ERAP1: variants seen among roughly 807,000 people sequenced by gnomAD.
ERAP1 encodes the protein adipocyte-derived leucine aminopeptidase.
Under a neutral mutation model 103.7 loss-of-function variants are expected in ERAP1, and 86 were observed. That is an observed-to-expected ratio of 0.83 (90% CI 0.70 to 0.99). The LOEUF (loss-of-function observed/expected upper bound fraction) is 0.99. ERAP1 is among the 50% of genes least tolerant of loss of function. The pLI, the probability that ERAP1 is intolerant of heterozygous loss-of-function variation, is 0.00. For missense variants in ERAP1, 1,009 were observed against 1,128.4 expected (o/e 0.89, Z 1.52); for synonymous variants, 398 against 402.4 (o/e 0.99, Z 0.13).
At chr5:96,790,252 A>C in intron 10 of ERAP1, 44 bp downstream of exon 10, 1 of 1,577,848 alleles carries the variant, frequency 6.3e-7, no homozygotes. Flanking sequence ...AATATGCAGT[A>C]AAAGAATGTG....
At position 96,783,153 on chromosome 5, in the gene ERAP1, C is replaced by T. The variant is rs201805082; in HGVS notation, c.2183G>A (p.Arg728Gln). 53 of 1,614,064 alleles carry T rather than the reference C, an allele frequency of 3.3e-5. No homozygotes were observed. The highest frequency in any genetic ancestry group is 3.3e-4 in the Middle Eastern group (2 of 6,084). Residue 728 changes from arginine to glutamine, a missense_variant, in exon 15 of 19, where the codon CGG (arginine) becomes CAG (glutamine). By Grantham distance (43) the Arg-to-Gln change is conservative. Coordinates refer to ENST00000443439, the MANE Select transcript of ERAP1 (RefSeq NM_001040458.3). Reference protein sequence around the residue: ...DEGSVSERMLRSQLLLLACVH... With the variant: ...DEGSVSERMLQSQLLLLACVH... ...ACAGGCGAGGAGTAGTAGTTGACTC[C>T]GCAGCATTCGCTCTGAGACTGAGCC...
chr5:96,772,703 A>T (rs1225949622), downstream of ERAP1: 5 of 152,758 alleles, frequency 3.3e-5, no homozygotes, highest in Non-Finnish European at 7.4e-5. Context: ...GGCTTTGGCA[A>T]CAGAAAACAA....
chr5:96,874,818 A>G, the ERAP1 span, among the ~76,000 whole-genome samples: 4 of 152,274 alleles, frequency 2.6e-5, no homozygotes, highest in African/African-American at 9.6e-5. Flanking sequence ...AACACAAACC[A>G]CAGCAGGACA....
the ERAP1 span, among the ~76,000 whole-genome samples, chr5:96,818,897 T>C: frequency 1.0e-5 from 1 of 95,380 alleles, no homozygotes; most frequent in African/African-American, 4.6e-5. Context: ...GAACTGCATT[T>C]ATTTATTTAT....
upstream of ERAP1, chr5:96,808,184 ATCCGTGTGTG>A (rs1189773519): frequency 7.1e-5 from 63 of 882,994 alleles, no homozygotes; most frequent in South Asian, 3.5e-4. Context: ...CTGAACGCGG[ATCCGTGTGTG>A]TGTGTGTGTG....
the ERAP1 span, among the ~76,000 whole-genome samples, chr5:96,871,000 G>C: frequency 6.6e-6 from 1 of 152,188 alleles, no homozygotes; most frequent in Non-Finnish European, 1.5e-5. Flanking sequence ...TTCTGCTCAT[G>C]TGCATATTGA....
At chr5:96,782,793 T>C (rs113416675) in intron 15 of ERAP1, among the ~76,000 whole-genome samples, 3 of 152,312 alleles carry the variant, frequency 2.0e-5, no homozygotes, top group African/African-American at 7.2e-5. Flanking sequence ...AGATTTTGCA[T>C]TGCCTATACA....
chr5:96,785,087 A>C (rs1218941515), intron 13 of ERAP1: 1 of 153,160 alleles, frequency 6.5e-6, no homozygotes, highest in Non-Finnish European at 1.5e-5. Flanking sequence ...AGAAAGAGAT[A>C]ATCCTTCCCA....
the ERAP1 span, among the ~76,000 whole-genome samples, chr5:96,872,627 C>A: frequency 2.6e-5 from 4 of 152,042 alleles, no homozygotes; most frequent in African/African-American, 7.2e-5. Context: ...ATAAAAGTAA[C>A]TGATGCAGGT....
chr5:96,864,863 A>C, the ERAP1 span, among the ~76,000 whole-genome samples: 1 of 152,276 alleles, frequency 6.6e-6, no homozygotes, highest in South Asian at 2.1e-4. Flanking sequence ...CTATAAAAAT[A>C]TTATCAAAGG....
the ERAP1 span, among the ~76,000 whole-genome samples, chr5:96,845,047 G>A: frequency 1.3e-5 from 2 of 152,130 alleles, no homozygotes; most frequent in African/African-American, 4.8e-5. Context: ...CTACAGAATG[G>A]TCTGTATGTT....
chr5:96,812,091 T>C (rs1779188707), upstream of ERAP1, among the ~76,000 whole-genome samples: 6 of 152,258 alleles, frequency 3.9e-5, no homozygotes, highest in South Asian at 1.0e-3. Context: ...ACTGAACATA[T>C]GTTAATTAGC....
the ERAP1 span, among the ~76,000 whole-genome samples, chr5:96,859,582 A>G: frequency 6.6e-6 from 1 of 152,164 alleles, no homozygotes; most frequent in Non-Finnish European, 1.5e-5. Flanking sequence ...TGCCCAGGAC[A>G]GAGCTGAGAG....
chr5:96,836,450 C>T, the ERAP1 span, among the ~76,000 whole-genome samples: 1 of 152,220 alleles, frequency 6.6e-6, no homozygotes, highest in African/African-American at 2.4e-5. Context: ...GATCCCCCCA[C>T]TTCAGCCTCC....
intron 8 of ERAP1, 146 bp downstream of exon 8, chr5:96,791,915 C>T: frequency 1.3e-6 from 1 of 769,234 alleles, no homozygotes; most frequent in Non-Finnish European, 2.2e-6. Context: ...CAAGTTAGTC[C>T]TAAAAGAGTT....
At chr5:96,920,137 C>T in the ERAP1 span, among the ~76,000 whole-genome samples, 2 of 151,976 alleles carry the variant, frequency 1.3e-5, no homozygotes, top group Non-Finnish European at 2.9e-5. Flanking sequence ...ATGGCGAAAC[C>T]GTTTCCACAA....
chr5:96,805,841 C>T (rs1180390757), intron 1 of ERAP1: 1 of 152,276 alleles, frequency 6.6e-6, no homozygotes, highest in East Asian at 1.9e-4. Flanking sequence ...CATGTAAGGA[C>T]TCTGAAAGTC....
chr5:96,913,790 G>C, the ERAP1 span, among the ~76,000 whole-genome samples: 1 of 152,200 alleles, frequency 6.6e-6, no homozygotes, highest in Admixed American at 6.5e-5. Flanking sequence ...ATCCCAAGAT[G>C]CCTTGTATAG....
chr5:96,912,056 G>C, the ERAP1 span, among the ~76,000 whole-genome samples: 1 of 150,736 alleles, frequency 6.6e-6, no homozygotes, highest in Admixed American at 6.6e-5. Context: ...CGGGCGCGGT[G>C]GCGGGCGCCT....
Sources: gnomAD v4.1 joint callset for allele counts (sites outside exome capture counted in the v4.1 genomes callset) on GRCh38, gnomAD v4.1.1 for gene constraint, MANE v1.5 for transcripts, NCBI Gene and HGNC (gene_info 2026-07-23, HGNC 2026-07-21) for gene names.